Variants in TADA1 observed in about 807,000 individuals in gnomAD.
TADA1 encodes transcriptional adapter 1.
A neutral mutation model predicts 39.3 loss-of-function variants in TADA1; 23 were observed. The ratio of observed to expected loss-of-function variants is 0.58; its 90% CI spans 0.42 to 0.83. TADA1 has a LOEUF of 0.83. Among genes scored for constraint, TADA1 ranks in the 40% least tolerant of loss-of-function variants. TADA1 has a pLI of 0.00. For missense variants in TADA1, 352 were observed against 408.1 expected, an observed-to-expected ratio of 0.86 and a Z score of 1.18; for synonymous variants, 137 against 151.8, an observed-to-expected ratio of 0.90 and a Z score of 0.72.
intron 3 of TADA1, among the ~76,000 whole-genome samples, chr1:166,868,052 A>C (rs1216344066): frequency 6.6e-6 from 1 of 152,248 alleles, no homozygotes; most frequent in Admixed American, 6.5e-5. Flanking sequence ...TGTAATGGTA[A>C]CTTTTGTAGT....
chr1:166,859,225 T>A (rs1429856680), intron 6 of TADA1, among the ~76,000 whole-genome samples: 1 of 152,030 alleles, frequency 6.6e-6, no homozygotes, highest in African/African-American at 2.4e-5. Flanking sequence ...CTATCAACAC[T>A]CCCTCTATCC....
intron 3 of TADA1, among the ~76,000 whole-genome samples, chr1:166,868,174 C>T (rs1301194399): frequency 6.6e-6 from 1 of 152,084 alleles, no homozygotes. Context: ...GGAAAGTTTT[C>T]AATGTATTTA....
At chr1:166,858,741 A>G (rs759089034) in intron 6 of TADA1, among the ~76,000 whole-genome samples, 14 of 152,248 alleles carry the variant, frequency 9.2e-5, no homozygotes, top group African/African-American at 1.4e-4. Flanking sequence ...CAAACTGAGA[A>G]GTCAGACATA....
chr1:166,861,029 A>C (rs1016805926), intron 5 of TADA1, among the ~76,000 whole-genome samples: 2 of 152,210 alleles, frequency 1.3e-5, no homozygotes, highest in South Asian at 4.1e-4. Context: ...TTAAGATCTG[A>C]TATTATTGGA....
chr1:166,873,772 T>G (rs1658706627), intron 1 of TADA1, among the ~76,000 whole-genome samples: 1 of 152,206 alleles, frequency 6.6e-6, no homozygotes, highest in South Asian at 2.1e-4. Context: ...ATGCACCAAA[T>G]TTAGCTTCAG....
intron 3 of TADA1, among the ~76,000 whole-genome samples, chr1:166,866,708 G>A (rs75009445): frequency 9.9e-5 from 15 of 151,672 alleles, no homozygotes; most frequent in Admixed American, 2.0e-4. Context: ...CTGTACTTAC[G>A]AATACCACTT....
chr1:166,873,732 A>C (rs1050424920), intron 1 of TADA1, among the ~76,000 whole-genome samples: 2 of 152,220 alleles, frequency 1.3e-5, no homozygotes, highest in Non-Finnish European at 2.9e-5. Context: ...ATCTCTTTTG[A>C]TTGCATTTTA....
chr1:166,869,757 T>G lies in TADA1; in HGVS notation c.166+6A>C, dbSNP rs755825857. On this transcript the variant is annotated splice_donor_region_variant and intron_variant, in intron 2 of 7. Coordinates refer to ENST00000367874, the MANE Select transcript of TADA1 (RefSeq NM_053053.4). The stretch of plus-strand genomic sequence containing the variant: ...AGTAAAATAACTCTGCAGATAATTA[T>G]TTTACCATTATCCTGTGTGAGAAGT... 1.2e-6 allele frequency: 2 copies of G among 1,607,548 alleles called. No individual in the cohort carries two copies. Among genetic ancestry groups the G allele is most frequent in the East Asian group, 4.5e-5 (2 of 44,822 alleles).
rs996354668 is a variant in TADA1 at position 166,857,065 on chromosome 1, T to C, written c.*502A>G. ...GGGGCTACCTATCGCTATTAAAATT[T>C]GAACTGGTCACTAAAGGAGGTATCT... On this transcript the variant is annotated 3_prime_UTR_variant, in exon 8 of 8. Transcript: ENST00000367874. 1.3e-5 allele frequency: 2 copies of C among 153,002 alleles called. No homozygotes were observed. Among genetic ancestry groups the C allele is most frequent in the Non-Finnish European group, 2.9e-5 (2 of 68,506 alleles). 9.5% of individuals were successfully genotyped at this position (153,002 alleles called of 1,614,324 possible).
chr1:166,875,380 G>A (rs1261932711), intron 1 of TADA1, among the ~76,000 whole-genome samples: 5 of 152,116 alleles, frequency 3.3e-5, no homozygotes, highest in African/African-American at 1.2e-4. Flanking sequence ...CTGGATGAAG[G>A]TCTGGCTGAG....
At chr1:166,869,084 T>C in intron 3 of TADA1, 2 of 285,376 alleles carry the variant, frequency 7.0e-6, no homozygotes, top group Non-Finnish European at 1.4e-5. Context: ...AAAAGTTTGG[T>C]GTCAAAAATG....
chr1:166,865,190 G>A (rs1658503168), intron 3 of TADA1, among the ~76,000 whole-genome samples: 1 of 152,140 alleles, frequency 6.6e-6, no homozygotes, highest in Non-Finnish European at 1.5e-5. Context: ...GTTCATCCAT[G>A]AAACAAGATG....
chr1:166,864,652 C>T (rs1571239393), intron 3 of TADA1, among the ~76,000 whole-genome samples: 2 of 152,294 alleles, frequency 1.3e-5, no homozygotes, highest in Non-Finnish European at 2.9e-5. Context: ...TGCTGGGCCT[C>T]GTGTTTAAAA....
chr1:166,866,870 T>G lies in TADA1; in HGVS notation c.232+2575A>C, dbSNP rs945089557. 2.6e-5 allele frequency among the ~76,000 whole-genome samples: 4 copies of G among 151,790 alleles called. No homozygotes were observed. In the East Asian group the frequency reaches 5.8e-4, roughly 22 times the overall value. On this transcript the variant is annotated intron_variant, in intron 3 of 7. Transcript: ENST00000367874. ...AGCAATTCTCCTGCCTCAGCCTCCC[T>G]AGTACCCAGGATTACAGGTGCCTAC...
At chr1:166,866,174 G>A (rs1000545919) in intron 3 of TADA1, among the ~76,000 whole-genome samples, 7 of 152,340 alleles carry the variant, frequency 4.6e-5, no homozygotes, top group African/African-American at 1.7e-4. Context: ...AGCTGCTGCT[G>A]CGTGGCCAAG....
In TADA1 at chr1:166,857,556, C is replaced by G. The variant is rs779943139; in HGVS notation, c.*11G>C. On this transcript the variant is annotated 3_prime_UTR_variant, in exon 8 of 8. Transcript: ENST00000367874. ...GAATTCGGTGAGGGTCCCACACCCT[C>G]AAATCCTAATTTAGCACAGCAAAAG... is the stretch of plus-strand genomic sequence containing the variant. The G allele has an allele frequency of 6.2e-7, 1 of 1,613,428 alleles. No individual in the cohort carries two copies. The highest frequency in any genetic ancestry group is 2.2e-5 in the East Asian group (1 of 44,884).
In TADA1 at chr1:166,876,147, G is replaced by C. The variant is rs1256770504; in HGVS notation, c.74+13C>G. The C allele has an allele frequency of 3.1e-6, 5 of 1,612,156 alleles. No homozygotes were observed. The East Asian group carries it at 6.7e-5, about 22-fold the overall frequency. On this transcript the variant is annotated intron_variant, in intron 1 of 7. Coordinates refer to ENST00000367874, the MANE Select transcript of TADA1 (RefSeq NM_053053.4). ...GCGTGTTGGCCTGGACGCTGTGCTA[G>C]GGCAGCTCTTACTGTTTCACGTTGT... is the stretch of plus-strand genomic sequence containing the variant.
At chr1:166,865,154 G>A (rs560747881) in intron 3 of TADA1, among the ~76,000 whole-genome samples, 1 of 152,102 alleles carries the variant, frequency 6.6e-6, no homozygotes, top group Non-Finnish European at 1.5e-5. Flanking sequence ...TTTCCAACAG[G>A]TATCCGCAGA....
chr1:166,869,784 T>C lies in TADA1; in HGVS notation c.145A>G (p.Arg49Gly), dbSNP rs1352819073. The change falls in exon 2 of 8, where the codon AGA becomes GGA. Residue 49 changes from arginine to glycine, a missense_variant. Transcript: ENST00000367874. Reference protein sequence around the residue: ...SKEEFDLEAHRLLTQDNVHSH... With the variant: ...SKEEFDLEAHGLLTQDNVHSH... The stretch of plus-strand genomic sequence containing the variant: ...TTACCATTATCCTGTGTGAGAAGTC[T>C]ATGAGCTTCAAGGTCAAACTCCTCT... 19 of 1,613,772 alleles carry C rather than the reference T, an allele frequency of 1.2e-5. No individual in the cohort carries two copies. The highest frequency in any genetic ancestry group is 1.6e-5 in the Non-Finnish European group (19 of 1,179,880).
Sources: gnomAD v4.1 joint callset for allele counts (sites outside exome capture counted in the v4.1 genomes callset) on GRCh38, gnomAD v4.1.1 for gene constraint, MANE v1.5 for transcripts, NCBI Gene and HGNC (gene_info 2026-07-23, HGNC 2026-07-21) for gene names.